The following PHACTR1 variants were observed in gnomAD, a reference collection of about 807,000 sequenced individuals.
PHACTR1 encodes RPEL repeat containing 1.
In PHACTR1, 16 loss-of-function variants were observed where a neutral mutation model predicts 69.2. The ratio of observed to expected loss-of-function variants is 0.23; its 90% confidence interval spans 0.16 to 0.35. The LOEUF (loss-of-function observed/expected upper bound fraction) is 0.35, where lower values mean the gene tolerates loss of function less well. PHACTR1 is among the 10% of genes least tolerant of loss of function. The pLI is 1.00. For missense variants in PHACTR1, 510 were observed against 734.7 expected (o/e 0.69, Z 3.54); for synonymous variants, 312 against 284.5 (o/e 1.10, Z -0.97).
chr6:13,253,868 G>A (rs1334260129), intron 10 of PHACTR1, among the ~76,000 whole-genome samples: 6 of 152,382 alleles, frequency 3.9e-5, no homozygotes, highest in Admixed American at 1.3e-4. Flanking sequence ...GGCTAAGACA[G>A]TAAAGGAGGA....
Position 12,863,375 on chromosome 6 carries a change from A to C in PHACTR1, c.250+113585A>C, listed in dbSNP as rs141097309. On this transcript the variant is annotated intron_variant, in intron 4 of 14. Transcript: ENST00000332995. ...TCTGTTCTCTCTTTCTCTTTCTATA[A>C]GGCACCAATACCATCAGGGGGATTC... 2.3e-3 allele frequency among the ~76,000 whole-genome samples: 347 copies of C among 152,282 alleles called. 2 individuals are homozygous for C. The highest frequency in any genetic ancestry group is 8.0e-3 in the African/African-American group (334 of 41,552).
At chr6:13,225,984 G>A (rs1687799011) in intron 8 of PHACTR1, among the ~76,000 whole-genome samples, 1 of 152,150 alleles carries the variant, frequency 6.6e-6, no homozygotes, top group Non-Finnish European at 1.5e-5. Flanking sequence ...ATCACCCTTC[G>A]CCACCCTGGA....
chr6:12,986,794 C>T (rs1011001479), intron 4 of PHACTR1, among the ~76,000 whole-genome samples: 2 of 152,082 alleles, frequency 1.3e-5, no homozygotes, highest in African/African-American at 4.8e-5. Context: ...TTTGAGCAGT[C>T]CTTGATCCAT....
chr6:12,776,638 A>C (rs1770098745), intron 4 of PHACTR1, among the ~76,000 whole-genome samples: 1 of 152,234 alleles, frequency 6.6e-6, no homozygotes, highest in Non-Finnish European at 1.5e-5. Flanking sequence ...ATCCTAAGTA[A>C]AATCCCACTT....
chr6:13,012,223 T>C (rs780319352), intron 4 of PHACTR1, among the ~76,000 whole-genome samples: 1 of 152,168 alleles, frequency 6.6e-6, no homozygotes, highest in Non-Finnish European at 1.5e-5. Context: ...GTAGAAATGA[T>C]AGAGTGGTAG....
chr6:13,206,605 A>C (rs1372295269), intron 8 of PHACTR1, among the ~76,000 whole-genome samples: 1 of 152,258 alleles, frequency 6.6e-6, no homozygotes, highest in Non-Finnish European at 1.5e-5. Context: ...TGAGCTGTAC[A>C]TACATTTAAG....
intron 4 of PHACTR1, among the ~76,000 whole-genome samples, chr6:13,050,476 A>G (rs1805778157): frequency 6.6e-6 from 1 of 152,226 alleles, no homozygotes; most frequent in South Asian, 2.1e-4. Context: ...TCTCCTGATC[A>G]GTAATACTTT....
intron 5 of PHACTR1, among the ~76,000 whole-genome samples, chr6:13,133,790 C>T (rs879124963): frequency 7.9e-5 from 12 of 151,494 alleles, no homozygotes; most frequent in Admixed American, 1.3e-4. Context: ...TCTGCCCGGC[C>T]GCCCAGTCTG....
chr6:13,229,729 C>G (rs1003849796), intron 9 of PHACTR1, among the ~76,000 whole-genome samples: 5 of 152,194 alleles, frequency 3.3e-5, no homozygotes, highest in East Asian at 3.9e-4. Context: ...TCCTATCTCC[C>G]CCTTTGCAGT....
At chr6:12,817,972 T>C (rs35784087) in intron 4 of PHACTR1, among the ~76,000 whole-genome samples, 12,316 of 152,150 alleles carry the variant, frequency 0.081, 531 homozygotes, top group Middle Eastern at 0.12. Flanking sequence ...TACAGGCGCC[T>C]GCCACCATGC....
intron 7 of PHACTR1, among the ~76,000 whole-genome samples, chr6:13,192,429 T>C (rs1763725139): frequency 6.6e-6 from 1 of 152,154 alleles, no homozygotes; most frequent in Admixed American, 6.5e-5. Flanking sequence ...TCAGCAGGGA[T>C]GTAGGATTCT....
chr6:12,966,588 A>G (rs1793531403), intron 4 of PHACTR1, among the ~76,000 whole-genome samples: 1 of 152,094 alleles, frequency 6.6e-6, no homozygotes. Context: ...TCCTTACACC[A>G]CATATTTTTC....
intron 5 of PHACTR1, among the ~76,000 whole-genome samples, chr6:13,088,558 G>A (rs73368194): frequency 0.039 from 5,948 of 151,996 alleles, 397 homozygotes; most frequent in African/African-American, 0.13. Flanking sequence ...TTTTCTTTTG[G>A]CCAGCATCTA....
chr6:12,731,834 C>T (rs570555823), intron 3 of PHACTR1, among the ~76,000 whole-genome samples: 5 of 152,196 alleles, frequency 3.3e-5, no homozygotes, highest in South Asian at 4.2e-4. Flanking sequence ...CATCCATGTA[C>T]GGGCATGTGG....
chr6:12,984,205 C>T (rs895406997), intron 4 of PHACTR1, among the ~76,000 whole-genome samples: 6 of 152,164 alleles, frequency 3.9e-5, no homozygotes, highest in Non-Finnish European at 8.8e-5. Context: ...CTCTCCAGCA[C>T]CTGTTGTTTC....
In PHACTR1 at chr6:12,718,743, G is replaced by A. The variant is rs1761724676; in HGVS notation, c.-2G>A. On this transcript the variant is annotated 5_prime_UTR_variant, in exon 3 of 15. Coordinates refer to ENST00000332995, the MANE Select transcript of PHACTR1 (RefSeq NM_030948.6). Reference sequence around the variant, plus strand: ...CAAAACTCTGTGTTTGGAACATCAAGGATGGATTATCCCAAAATGGATTAT... The same window carrying A: ...CAAAACTCTGTGTTTGGAACATCAAAGATGGATTATCCCAAAATGGATTAT... 6.6e-7 allele frequency: 1 copy of A among 1,519,842 alleles called. No individual in the cohort carries two copies. The highest frequency in any genetic ancestry group is 1.2e-5 in the South Asian group (1 of 80,348). The allele number at this position is 1,519,842 out of a possible 1,614,324, so 94.1% of individuals were successfully genotyped here. A position where few individuals can be genotyped will look rare whatever the true frequency, so the allele number is the denominator to read the frequency against.
intron 4 of PHACTR1, among the ~76,000 whole-genome samples, chr6:12,936,604 A>C (rs2127535759): frequency 6.6e-6 from 1 of 152,330 alleles, no homozygotes; most frequent in East Asian, 1.9e-4. Context: ...AGATCCAAGC[A>C]CATGTTCCAT....
intron 4 of PHACTR1, among the ~76,000 whole-genome samples, chr6:12,949,731 TTTAAGA>T (rs1791084111): frequency 6.6e-6 from 1 of 152,200 alleles, no homozygotes; most frequent in South Asian, 2.1e-4. Flanking sequence ...GTTTGGTAAC[TTTAAGA>T]TTTAGTATAA....
chr6:13,115,145 A>AGTTC (rs1817624364), intron 5 of PHACTR1, among the ~76,000 whole-genome samples: 1 of 152,198 alleles, frequency 6.6e-6, no homozygotes, highest in Non-Finnish European at 1.5e-5. Flanking sequence ...ACTGTATGAG[A>AGTTC]TCCTAACGTA....
Sources: allele counts gnomAD v4.1 joint callset (sites outside exome capture counted in the v4.1 genomes callset), GRCh38; gene constraint gnomAD v4.1.1; transcripts MANE v1.5; gene names NCBI Gene and HGNC (gene_info 2026-07-23, HGNC 2026-07-21).